The following ZMYM6 variants were observed in gnomAD, a reference collection of about 807,000 sequenced individuals.
ZMYM6 encodes the protein zinc finger MYM-type containing 6.
In ZMYM6, 90 loss-of-function variants were observed where a neutral mutation model predicts 134.0. The ratio of observed to expected loss-of-function variants is 0.67; its 90% confidence interval spans 0.57 to 0.80. ZMYM6 has a LOEUF of 0.80. Ranked by LOEUF, ZMYM6 falls within the 30% of genes least tolerant of loss-of-function variation. The probability of loss-of-function intolerance (pLI) is 0.00; values close to 1 mark genes in which losing one functional copy is unlikely to be tolerated. For synonymous variants in ZMYM6, 481 were observed against 524.1 expected (o/e 0.92, Z 1.12); for missense variants, 1,362 against 1,533.9 (o/e 0.89, Z 1.87).
At position 34,995,084 on chromosome 1, in the gene ZMYM6, C is replaced by T. The variant is rs12078821; in HGVS notation, c.1993-2697G>A. The stretch of plus-strand genomic sequence containing the variant: ...TATATGTAATATATATACTTACATA[C>T]GTATATATGTATGTATATACGTAAG... On this transcript the variant is annotated intron_variant, in intron 14 of 15. Transcript: ENST00000357182. Among the ~76,000 whole-genome samples the T allele has an allele frequency of 2.4e-4, 30 of 125,114 alleles. No individual in the cohort carries two copies. The South Asian group carries it at 3.4e-3, about 14-fold the overall frequency. 82.1% of individuals were successfully genotyped at this position (125,114 alleles called of 152,430 possible). A position where few individuals can be genotyped will look rare whatever the true frequency, so the allele number is the denominator to read the frequency against.
chr1:35,028,945 C>T (rs945486909), intron 2 of ZMYM6, among the ~76,000 whole-genome samples: 2 of 151,730 alleles, frequency 1.3e-5, no homozygotes, highest in Non-Finnish European at 2.9e-5. Flanking sequence ...AATCCTAGCA[C>T]TTTGGGAGGC....
chr1:35,013,546 A>G (rs932808971), intron 6 of ZMYM6: 1 of 985,338 alleles, frequency 1.0e-6, no homozygotes, highest in Admixed American at 6.1e-5. Flanking sequence ...ACTGCCAAAA[A>G]TGGCAAATCT....
chr1:35,011,803 A>C, intron 8 of ZMYM6, 87 bp downstream of exon 8: 2 of 936,048 alleles, frequency 2.1e-6, no homozygotes, highest in Non-Finnish European at 2.9e-6. Context: ...TTAAACTTTC[A>C]TAAGAACAGG....
intron 8 of ZMYM6, 105 bp downstream of exon 8, chr1:35,011,785 A>T (rs887785015): frequency 2.5e-6 from 2 of 799,856 alleles, no homozygotes; most frequent in African/African-American, 1.8e-5. Flanking sequence ...TTTCTTTTTA[A>T]TTCAAATTTA....
At chr1:34,998,952 T>A (rs1416805734) in intron 14 of ZMYM6, among the ~76,000 whole-genome samples, 1 of 152,030 alleles carries the variant, frequency 6.6e-6, no homozygotes, top group African/African-American at 2.4e-5. Context: ...CGAGACCTCA[T>A]CTCTACTAAA....
chr1:35,030,846 T>C, intron 1 of ZMYM6, 133 bp from the exon 2 acceptor site: 1 of 541,236 alleles, frequency 1.8e-6, no homozygotes, highest in Non-Finnish European at 3.2e-6. Flanking sequence ...AACTAACTTT[T>C]TTCTTTCTTC....
chr1:35,015,369 G>A (rs1421765550), intron 4 of ZMYM6, among the ~76,000 whole-genome samples: 1 of 152,014 alleles, frequency 6.6e-6, no homozygotes, highest in African/African-American at 2.4e-5. Flanking sequence ...ATTTCTTCAT[G>A]TATAAAATGG....
At position 35,014,755 on chromosome 1, in the gene ZMYM6, G is replaced by C. The variant is rs956618588; in HGVS notation, c.737C>G (p.Ser246Cys). Residue 246 changes from serine to cysteine, a missense_variant, in exon 6 of 16, where the codon TCT becomes TGT. Around this residue, in one of 3 missense-constraint regions of ZMYM6, gnomAD observed 503 missense variants for 520.8 expected, o/e 0.97. Transcript: ENST00000357182. Reference protein sequence around the residue: ...ENCGSYCYSSSGPCQSQKVFS... With the variant: ...ENCGSYCYSSCGPCQSQKVFS... ...AACCTTCTGGGATTGGCAAGGACCA[G>C]AGCTACTATAGCAATAGCTCCCACA... 2 of 1,614,042 alleles carry C rather than the reference G, an allele frequency of 1.2e-6. No individual in the cohort carries two copies. Among genetic ancestry groups the C allele is most frequent in the Admixed American group, 3.3e-5 (2 of 60,006 alleles).
chr1:35,009,052 T>C, intron 10 of ZMYM6, 128 bp from the exon 11 acceptor site: 1 of 942,230 alleles, frequency 1.1e-6, no homozygotes, highest in Non-Finnish European at 1.5e-6. Flanking sequence ...TGCCTCTAGA[T>C]TACAGGACAG....
At chr1:35,021,144 CTCATTCTGTCACCCAGGCTGGAGTT>C (rs1310756260) in intron 2 of ZMYM6, among the ~76,000 whole-genome samples, 4 of 142,028 alleles carry the variant, frequency 2.8e-5, no homozygotes, top group South Asian at 4.4e-4. Context: ...GACATGGAGT[CTCATTCTGTCACCCAGGCTGGAGTT>C]TCATTCTGTC....
At chr1:35,030,229 A>T (rs369062116) in intron 2 of ZMYM6, 1 of 204,604 alleles carries the variant, frequency 4.9e-6, no homozygotes, top group East Asian at 1.3e-4. Flanking sequence ...CAGGAGTTTG[A>T]GACCAGCCTG....
chr1:34,999,829 A>T (rs2148447033), intron 14 of ZMYM6, among the ~76,000 whole-genome samples: 1 of 152,304 alleles, frequency 6.6e-6, no homozygotes, highest in Middle Eastern at 3.4e-3. Context: ...CAGCCCTAAA[A>T]ATGAAAATGC....
At chr1:35,013,352 G>A in intron 6 of ZMYM6, 2 of 979,054 alleles carry the variant, frequency 2.0e-6, no homozygotes, top group Non-Finnish European at 2.4e-6. Context: ...TGCTGTCAGT[G>A]ATACATTATA....
intron 4 of ZMYM6, chr1:35,018,217 GC>G (rs1445308140): frequency 2.0e-5 from 3 of 151,828 alleles, no homozygotes; most frequent in African/African-American, 7.3e-5. Context: ...GGTGGTATGC[GC>G]CTGTGGTCCC....
rs908299268 is a variant in ZMYM6 at position 34,998,550 on chromosome 1, G to T, written c.1992+5418C>A. On this transcript the variant is annotated intron_variant, in intron 14 of 15. Coordinates refer to ENST00000357182, the MANE Select transcript of ZMYM6 (RefSeq NM_007167.4). ...ACTGCAAAGGACAAAAATGGAAGCAGGAAGACAGATAGGTCACTGCAATAA... is the reference window on the plus strand; with the variant it reads ...ACTGCAAAGGACAAAAATGGAAGCATGAAGACAGATAGGTCACTGCAATAA... 2.3e-4 allele frequency among the ~76,000 whole-genome samples: 35 copies of T among 152,282 alleles called. 1 individual carries two copies. The highest frequency in any genetic ancestry group is 7.9e-4 in the African/African-American group (33 of 41,556).
chr1:35,008,868 T>A lies in ZMYM6; in HGVS notation c.1549A>T (p.Met517Leu), dbSNP rs768661171. The A allele has an allele frequency of 8.1e-6, 13 of 1,614,060 alleles. No individual in the cohort carries two copies. The highest frequency in any genetic ancestry group is 1.1e-5 in the Non-Finnish European group (13 of 1,180,000). ...GATGTCTGTGAACAGTAGCTGCACA[T>A]CTTACAGTAGTTTCCCCATCGTTCT... ...FGERWGNYCK[M>L]CSYCSQTSPN... Residue 517 changes from methionine to leucine, a missense_variant, in exon 11 of 16, where the codon ATG (methionine) becomes TTG (leucine). By Grantham distance (15) the Met-to-Leu change is conservative. This residue lies in a region of ZMYM6 where 824 missense variants were observed against 940.9 expected (regional missense o/e 0.88). Transcript: ENST00000357182.
chr1:35,012,470 A>T lies in ZMYM6; in HGVS notation c.907T>A (p.Cys303Ser), dbSNP rs748860517. 6.2e-7 allele frequency: 1 copy of T among 1,609,914 alleles called. No homozygotes were observed. The highest frequency in any genetic ancestry group is 1.7e-5 in the Admixed American group (1 of 59,228). The stretch of plus-strand genomic sequence containing the variant: ...GTCTTAACTCTGTAAGCAGATAAGC[A>T]ATTAATAGAGCAGAAAAGCTCTGTT... Reference protein sequence around the residue: ...GKTELFCSINCLSAYRVKTVT... With the variant: ...GKTELFCSINSLSAYRVKTVT... The change falls in exon 7 of 16, where the codon TGC becomes AGC. Residue 303 changes from cysteine to serine, a missense_variant. Physicochemically the swap from Cys to Ser is moderately radical, Grantham distance 112. Transcript: ENST00000357182.
chr1:35,001,556 A>G (rs1640881579), intron 14 of ZMYM6, among the ~76,000 whole-genome samples: 1 of 152,156 alleles, frequency 6.6e-6, no homozygotes, highest in African/African-American at 2.4e-5. Flanking sequence ...TACAACTAAT[A>G]TAGAATGTTT....
intron 4 of ZMYM6, among the ~76,000 whole-genome samples, chr1:35,016,330 T>C (rs1569782505): frequency 6.6e-6 from 1 of 152,108 alleles, no homozygotes; most frequent in South Asian, 2.1e-4. Flanking sequence ...AAAATAAGCA[T>C]GATATATGAC....
Sources: allele counts gnomAD v4.1 joint callset (sites outside exome capture counted in the v4.1 genomes callset), GRCh38; gene constraint gnomAD v4.1.1; regional missense constraint gnomAD v4.1.1; transcripts MANE v1.5; gene names NCBI Gene and HGNC (gene_info 2026-07-23, HGNC 2026-07-21).